Variants in CYSLTR1 observed in about 807,000 individuals in gnomAD.
CYSLTR1 encodes G-protein coupled receptor HG55.
In CYSLTR1, 1 loss-of-function variant was observed where a neutral mutation model predicts 2.1. The observed-to-expected ratio is 0.48, with a 90% confidence interval of 0.17 to 2.28. The LOEUF (loss-of-function observed/expected upper bound fraction) is 2.28, where lower values mean the gene tolerates loss of function less well. CYSLTR1 is among the 30% of genes most tolerant of loss of function. The probability of loss-of-function intolerance (pLI) is 0.26; values close to 1 mark genes in which losing one functional copy is unlikely to be tolerated. For missense variants in CYSLTR1, 299 were observed against 250.1 expected (o/e 1.20, Z -1.32); for synonymous variants, 110 against 89.6 (o/e 1.23, Z -1.28).
At chrX:78,282,204 A>G (rs970617899) in intron 2 of CYSLTR1, among the ~76,000 whole-genome samples, 19 of 111,737 alleles carry the variant, frequency 1.7e-4, no homozygotes, top group African/African-American at 5.5e-4. Flanking sequence ...AGCTCAGATT[A>G]CACTTTCTTG....
intron 1 of CYSLTR1, 39 bp downstream of exon 1, chrX:78,327,266 A>G (rs773705705): frequency 8.9e-6 from 1 of 112,137 alleles, no homozygotes; most frequent in African/African-American, 3.2e-5. Context: ...TTTACTACAT[A>G]CTGTTCTGGT....
chrX:78,308,447 G>T (rs1164087013), intron 1 of CYSLTR1, among the ~76,000 whole-genome samples: 1 of 111,214 alleles, frequency 9.0e-6, no homozygotes, highest in Non-Finnish European at 1.9e-5. Flanking sequence ...TGAGGTTCAA[G>T]TGAAAGTTTA....
chrX:78,273,879 G>C, intron 2 of CYSLTR1, 106 bp from the exon 3 acceptor site: 2 of 667,513 alleles, frequency 3.0e-6, no homozygotes, highest in Admixed American at 7.8e-5. Context: ...GACCACAGCA[G>C]CAAGCAAGAG....
chrX:78,327,426 A>G lies in CYSLTR1; in HGVS notation c.-236T>C, dbSNP rs1370919748. On this transcript the variant is annotated 5_prime_UTR_variant, in exon 1 of 3. Transcript: ENST00000373304. ...ATTAATCCTTGTTGGCGAGCTGCAC[A>G]GTATCTTGATACCCTGTAGGGTCGT... is the stretch of plus-strand genomic sequence containing the variant. 1 of 111,979 alleles carries G rather than the reference A, an allele frequency of 8.9e-6. No homozygotes were observed. Among genetic ancestry groups the G allele is most frequent in the East Asian group, 2.8e-4 (1 of 3,564 alleles). The allele number at this position is 111,979 out of a possible 1,213,427, so 9.2% of individuals were successfully genotyped here.
intron 1 of CYSLTR1, among the ~76,000 whole-genome samples, chrX:78,291,343 G>T (rs1315372170): frequency 2.7e-5 from 3 of 111,844 alleles, no homozygotes; most frequent in African/African-American, 3.3e-5. Context: ...TTGATGTGCT[G>T]CTGGATTTAG....
intron 1 of CYSLTR1, among the ~76,000 whole-genome samples, chrX:78,305,305 T>C (rs1270198776): frequency 8.9e-6 from 1 of 111,741 alleles, no homozygotes; most frequent in East Asian, 2.8e-4. Context: ...CTCTTTTTTG[T>C]ATATTTTTGG....
chrX:78,303,887 C>T (rs962010618), intron 1 of CYSLTR1, among the ~76,000 whole-genome samples: 1 of 111,681 alleles, frequency 9.0e-6, no homozygotes, highest in Non-Finnish European at 1.9e-5. Context: ...TATATGATCT[C>T]TGAAGTCCCT....
At chrX:78,320,111 T>A (rs761414933) in intron 1 of CYSLTR1, 1 of 112,346 alleles carries the variant, frequency 8.9e-6, no homozygotes, top group Non-Finnish European at 1.9e-5. Context: ...CTCTTTAGTT[T>A]AATTAGATCC....
At chrX:78,317,469 C>G (rs1923462426) in intron 1 of CYSLTR1, among the ~76,000 whole-genome samples, 1 of 112,390 alleles carries the variant, frequency 8.9e-6, no homozygotes. Flanking sequence ...TCCAGCAATA[C>G]TACTATTGGG....
chrX:78,326,168 T>C lies in CYSLTR1; in HGVS notation c.-115+1137A>G, dbSNP rs147246039. ...TGTAAATATAGCACTTGAGGTTGTTTATGATGTAAAAACAGATAGCTTTTA... is the reference window on the plus strand; with the variant it reads ...TGTAAATATAGCACTTGAGGTTGTTCATGATGTAAAAACAGATAGCTTTTA... On this transcript the variant is annotated intron_variant, in intron 1 of 2. Coordinates refer to ENST00000373304, the MANE Select transcript of CYSLTR1 (RefSeq NM_006639.4). 2.2e-3 allele frequency among the ~76,000 whole-genome samples: 242 copies of C among 111,908 alleles called. 6 individuals carry two copies. The East Asian group carries it at 0.057, about 26-fold the overall frequency.
intron 1 of CYSLTR1, among the ~76,000 whole-genome samples, chrX:78,315,497 G>T (rs1426203655): frequency 9.0e-6 from 1 of 111,444 alleles, no homozygotes; most frequent in Non-Finnish European, 1.9e-5. Context: ...TGGCATTTCT[G>T]TATGTTTCTT....
chrX:78,274,038 C>G (rs367777194), intron 2 of CYSLTR1, among the ~76,000 whole-genome samples: 1 of 111,151 alleles, frequency 9.0e-6, no homozygotes, highest in East Asian at 2.8e-4. Context: ...CTAGGTGAAA[C>G]AGCCCTCCTG....
In CYSLTR1 at chrX:78,272,989, C is replaced by G; in HGVS notation, c.758G>C (p.Arg253Pro). ...GTGTAAAAAATGAAGGTGAATGGTA[C>G]GTTGAATATGATATGGCATGAAACT... ...LVSFMPYHIQ[R>P]TIHLHFLHNE... The change falls in exon 3 of 3, where the codon CGT (arginine) becomes CCT (proline). Residue 253 changes from arginine to proline, a missense_variant. By Grantham distance (103) the Arg-to-Pro change is moderately radical. Transcript: ENST00000373304. 8.3e-7 allele frequency: 1 copy of G among 1,211,176 alleles called. No individual in the cohort carries two copies. The highest frequency in any genetic ancestry group is 1.1e-6 in the Non-Finnish European group (1 of 895,263).
At chrX:78,273,835 G>A (rs1921441178) in intron 2 of CYSLTR1, 62 bp from the exon 3 acceptor site, 1 of 969,237 alleles carries the variant, frequency 1.0e-6, no homozygotes, top group African/African-American at 1.9e-5. Flanking sequence ...AAGTACTAAT[G>A]TTTTATTTCA....
At chrX:78,289,792 C>A (rs745750291) in intron 1 of CYSLTR1, among the ~76,000 whole-genome samples, 1 of 111,833 alleles carries the variant, frequency 8.9e-6, no homozygotes, top group Non-Finnish European at 1.9e-5. Context: ...TATCCTTTGC[C>A]CACTTTTTGA....
At chrX:78,281,758 T>A (rs894669547) in intron 2 of CYSLTR1, among the ~76,000 whole-genome samples, 1 of 112,104 alleles carries the variant, frequency 8.9e-6, no homozygotes, top group Non-Finnish European at 1.9e-5. Context: ...TTGTTCATAT[T>A]ATAGATGAGC....
chrX:78,300,061 C>G (rs969209389), intron 1 of CYSLTR1, among the ~76,000 whole-genome samples: 1 of 111,155 alleles, frequency 9.0e-6, no homozygotes, highest in Admixed American at 9.5e-5. Flanking sequence ...TTCTTTGGAT[C>G]AATTCTGCTA....
chrX:78,274,556 T>C (rs760912925), intron 2 of CYSLTR1, among the ~76,000 whole-genome samples: 1 of 111,777 alleles, frequency 8.9e-6, no homozygotes, highest in South Asian at 3.7e-4. Flanking sequence ...ATCCCTTCCT[T>C]ACACCTTATA....
intron 2 of CYSLTR1, among the ~76,000 whole-genome samples, chrX:78,276,829 A>G (rs1440895643): frequency 9.0e-6 from 1 of 110,675 alleles, no homozygotes; most frequent in Non-Finnish European, 1.9e-5. Context: ...CAGATGGAGG[A>G]TGGAGACCCA....
Sources: allele counts gnomAD v4.1 joint callset (sites outside exome capture counted in the v4.1 genomes callset), GRCh38; gene constraint gnomAD v4.1.1; transcripts MANE v1.5; gene names NCBI Gene and HGNC (gene_info 2026-07-23, HGNC 2026-07-21).